Variants in GALNT14 observed in about 807,000 individuals in gnomAD.
GALNT14 encodes the protein UDP-GalNAc:polypeptide N-acetylgalactosaminyltransferase 14.
Under a neutral mutation model 77.5 loss-of-function variants are expected in GALNT14, and 60 were observed. The observed-to-expected ratio is 0.77, with a 90% CI of 0.63 to 0.96. The LOEUF is 0.96. Among genes scored for constraint, GALNT14 ranks in the 40% least tolerant of loss-of-function variants. The probability of loss-of-function intolerance (pLI) is 0.00; values close to 1 mark genes in which losing one functional copy is unlikely to be tolerated. For missense variants in GALNT14, 710 were observed against 731.0 expected (o/e 0.97, Z 0.33); for synonymous variants, 280 against 281.7 (o/e 0.99, Z 0.06).
intron 1 of GALNT14, among the ~76,000 whole-genome samples, chr2:31,077,829 C>T (rs1273792428): frequency 1.3e-5 from 2 of 152,170 alleles, no homozygotes; most frequent in African/African-American, 2.4e-5. Flanking sequence ...GTTTCCATTG[C>T]GTGTGCATAG....
intron 1 of GALNT14, among the ~76,000 whole-genome samples, chr2:31,029,840 G>GTA (rs1297455207): frequency 6.6e-6 from 1 of 152,106 alleles, no homozygotes; most frequent in Non-Finnish European, 1.5e-5. Flanking sequence ...TTGTATATTT[G>GTA]TATATTTTGT....
chr2:30,924,392 G>A (rs1290044901), intron 12 of GALNT14, 129 bp from the exon 13 acceptor site: 13 of 972,616 alleles, frequency 1.3e-5, no homozygotes, highest in South Asian at 7.9e-5. Flanking sequence ...TGCACTGCTC[G>A]GGGAAGGGCA....
chr2:30,955,981 C>T lies in GALNT14; in HGVS notation c.467-4G>A, dbSNP rs1380681322. 6.2e-7 allele frequency: 1 copy of T among 1,614,102 alleles called. No individual in the cohort carries two copies. The highest frequency in any genetic ancestry group is 1.7e-5 in the Admixed American group (1 of 60,012). Reference sequence around the variant, plus strand: ...ATGAGCTGTTTACAGTCATCAGCTGCAAAGACAAAAGGTTAAGCCAATTGA... The same window carrying T: ...ATGAGCTGTTTACAGTCATCAGCTGTAAAGACAAAAGGTTAAGCCAATTGA... On this transcript the variant is annotated splice_region_variant and splice_polypyrimidine_tract_variant and intron_variant, in intron 4 of 14. Transcript: ENST00000349752.
chr2:30,923,878 T>A (rs1665188638), intron 13 of GALNT14, among the ~76,000 whole-genome samples: 1 of 152,164 alleles, frequency 6.6e-6, no homozygotes, highest in African/African-American at 2.4e-5. Flanking sequence ...TAATGGGCAA[T>A]TTCCTATAGG....
chr2:31,114,742 C>A, intron 1 of GALNT14: 1 of 716,522 alleles, frequency 1.4e-6, no homozygotes, highest in Non-Finnish European at 2.6e-6. Flanking sequence ...AAAGAATTTA[C>A]CTGACTTGAA....
chr2:30,960,860 C>A (rs1667651717), intron 3 of GALNT14, among the ~76,000 whole-genome samples: 1 of 152,264 alleles, frequency 6.6e-6, no homozygotes, highest in Non-Finnish European at 1.5e-5. Flanking sequence ...TTCTCAGCCT[C>A]ACCCCCACTC....
At chr2:30,903,386 A>G in the GALNT14 span, among the ~76,000 whole-genome samples, 1 of 152,244 alleles carries the variant, frequency 6.6e-6, no homozygotes, top group Non-Finnish European at 1.5e-5. Context: ...CTAAAATAAA[A>G]TATGCCAAAA....
intron 2 of GALNT14, among the ~76,000 whole-genome samples, chr2:30,969,722 C>A (rs1454602920): frequency 6.6e-6 from 1 of 152,136 alleles, no homozygotes; most frequent in African/African-American, 2.4e-5. Context: ...TTCCCAGAAT[C>A]CTGGCTTGGG....
chr2:31,045,696 C>T (rs551373368), intron 1 of GALNT14, among the ~76,000 whole-genome samples: 1 of 152,248 alleles, frequency 6.6e-6, no homozygotes, highest in Non-Finnish European at 1.5e-5. Context: ...CTCCTGACCT[C>T]AAGTGATCTG....
chr2:30,999,067 C>T (rs985126500), intron 1 of GALNT14, among the ~76,000 whole-genome samples: 13 of 152,180 alleles, frequency 8.5e-5, no homozygotes, highest in Admixed American at 8.5e-4. Context: ...TGGATTCCTG[C>T]AAGAAGGCGG....
At chr2:30,973,060 CA>C (rs1304997042) in intron 2 of GALNT14, among the ~76,000 whole-genome samples, 1 of 152,196 alleles carries the variant, frequency 6.6e-6, no homozygotes, top group South Asian at 2.1e-4. Context: ...GCCAGAGCCA[CA>C]AAGAGAAAAT....
the GALNT14 span, among the ~76,000 whole-genome samples, chr2:30,904,315 G>C: frequency 3.9e-5 from 6 of 152,240 alleles, no homozygotes; most frequent in Non-Finnish European, 8.8e-5. Context: ...CATCTCTTTA[G>C]GAAGTGCCAG....
At chr2:30,987,491 G>T (rs987421946) in intron 2 of GALNT14, among the ~76,000 whole-genome samples, 3 of 152,086 alleles carry the variant, frequency 2.0e-5, no homozygotes, top group Admixed American at 6.5e-5. Context: ...ACTGTCTCTC[G>T]TAAAATACCG....
intron 9 of GALNT14, among the ~76,000 whole-genome samples, chr2:30,938,077 C>T (rs189800319): frequency 6.1e-4 from 92 of 150,974 alleles, no homozygotes; most frequent in African/African-American, 2.0e-3. Context: ...TCAGGAGAGC[C>T]GAGCCTGGCA....
chr2:31,064,180 G>C (rs1479050092), intron 1 of GALNT14, among the ~76,000 whole-genome samples: 2 of 152,208 alleles, frequency 1.3e-5, no homozygotes, highest in Non-Finnish European at 2.9e-5. Context: ...TAGGGATAGA[G>C]ACTGAAATTC....
chr2:31,068,553 T>C (rs955033594), intron 1 of GALNT14, among the ~76,000 whole-genome samples: 10 of 148,956 alleles, frequency 6.7e-5, no homozygotes, highest in Admixed American at 1.3e-4. Context: ...CCATAACTAA[T>C]AGCAAATGCA....
chr2:30,925,343 A>G (rs188801462), intron 11 of GALNT14, among the ~76,000 whole-genome samples: 15 of 152,308 alleles, frequency 9.8e-5, no homozygotes, highest in African/African-American at 3.4e-4. Flanking sequence ...GTGGGATACT[A>G]TGGAAAGCTT....
At chr2:30,956,139 A>G (rs932362196) in intron 4 of GALNT14, among the ~76,000 whole-genome samples, 162 bp from the exon 5 acceptor site, 2 of 152,134 alleles carry the variant, frequency 1.3e-5, no homozygotes, top group African/African-American at 2.4e-5. Context: ...CCAGGCTATG[A>G]GAGGCTGACA....
chr2:31,037,599 C>G (rs1182102492), intron 1 of GALNT14, among the ~76,000 whole-genome samples: 1 of 152,098 alleles, frequency 6.6e-6, no homozygotes, highest in Non-Finnish European at 1.5e-5. Context: ...TAAAATTAAA[C>G]ATTTCAATTC....
Sources: allele counts gnomAD v4.1 joint callset (sites outside exome capture counted in the v4.1 genomes callset), GRCh38; gene constraint gnomAD v4.1.1; transcripts MANE v1.5; gene names NCBI Gene and HGNC (gene_info 2026-07-23, HGNC 2026-07-21).